The following DLGAP4 variants were observed in gnomAD, a reference collection of about 807,000 sequenced individuals.
DLGAP4 encodes the protein DLG associated protein 4.
A neutral mutation model predicts 86.9 loss-of-function variants in DLGAP4; 18 were observed. The ratio of observed to expected loss-of-function variants is 0.21; its 90% CI spans 0.14 to 0.31. DLGAP4 has a LOEUF of 0.31. Ranked by LOEUF, DLGAP4 falls within the 10% of genes least tolerant of loss-of-function variation. DLGAP4 has a pLI of 1.00. For synonymous variants in DLGAP4, 548 were observed against 574.3 expected, an observed-to-expected ratio of 0.95 and a Z score of 0.65; for missense variants, 1,085 against 1,362.6, an observed-to-expected ratio of 0.80 and a Z score of 3.21.
intron 11 of DLGAP4, among the ~76,000 whole-genome samples, chr20:36,525,078 C>T (rs1290288063): frequency 6.6e-6 from 1 of 150,558 alleles, no homozygotes; most frequent in African/African-American, 2.4e-5. Flanking sequence ...ATTAGCCAGG[C>T]GTAGTGGCGG....
In DLGAP4 at chr20:36,361,978, CAAA is replaced by C. The variant is rs545997891; in HGVS notation, c.-303-5048_-303-5046del. 1.0e-4 allele frequency among the ~76,000 whole-genome samples: 5 copies of C among 48,412 alleles called. No homozygotes were observed. In the South Asian group the frequency reaches 2.1e-3, roughly 21 times the overall value. 31.8% of individuals were successfully genotyped at this position (48,412 alleles called of 152,430 possible). A position where few individuals can be genotyped will look rare whatever the true frequency, so the allele number is the denominator to read the frequency against. On this transcript the variant is annotated intron_variant, in intron 1 of 12. Transcript: ENST00000339266. The stretch of plus-strand genomic sequence containing the variant: ...TGGATGACACTGCGAGATTCTGTCT[CAAA>C]AAAAAAAAAAAAAAAAAAGATAGGA...
At chr20:36,317,284 C>CT (rs2065115888) in intron 1 of DLGAP4, among the ~76,000 whole-genome samples, 5 of 9,798 alleles carry the variant, frequency 5.1e-4, no homozygotes, top group Non-Finnish European at 1.1e-3. Flanking sequence ...TCTTATCTTT[C>CT]TTTCTTTCTT....
At chr20:36,417,733 G>C (rs927492655) in intron 2 of DLGAP4, among the ~76,000 whole-genome samples, 2 of 150,958 alleles carry the variant, frequency 1.3e-5, no homozygotes, top group African/African-American at 4.9e-5. Flanking sequence ...TAGGGGTACT[G>C]GGTGAAGCGA....
intron 2 of DLGAP4, among the ~76,000 whole-genome samples, chr20:36,396,575 A>ACACACACCACACACACGCACAC (rs1569484823): frequency 1.2e-4 from 10 of 86,626 alleles, no homozygotes; most frequent in Non-Finnish European, 2.1e-4. Context: ...TACACACACC[A>ACACACACCACACACACGCACAC]CATACACACA....
At chr20:36,344,755 C>T (rs1555892794) in intron 1 of DLGAP4, among the ~76,000 whole-genome samples, 1 of 152,240 alleles carries the variant, frequency 6.6e-6, no homozygotes, top group African/African-American at 2.4e-5. Flanking sequence ...GCCTAGGGCC[C>T]TGGGTGTGAG....
chr20:36,387,863 A>T (rs1364900106), intron 2 of DLGAP4, among the ~76,000 whole-genome samples: 1 of 152,024 alleles, frequency 6.6e-6, no homozygotes, highest in Non-Finnish European at 1.5e-5. Context: ...CTCTTTGTCT[A>T]TCTCTTTGTC....
intron 1 of DLGAP4, among the ~76,000 whole-genome samples, chr20:36,327,590 C>CT (rs555766337): frequency 0.066 from 7,959 of 119,976 alleles, 905 homozygotes; most frequent in African/African-American, 0.21. Context: ...TGGTTAAATT[C>CT]TTTTTTTTTT....
At chr20:36,311,269 A>C (rs920826059) in intron 1 of DLGAP4, among the ~76,000 whole-genome samples, 1 of 151,954 alleles carries the variant, frequency 6.6e-6, no homozygotes, top group Non-Finnish European at 1.5e-5. Flanking sequence ...CGCCCCTCTC[A>C]CTGGGTCCTT....
chr20:36,317,677 G>T (rs1324481536), intron 1 of DLGAP4, among the ~76,000 whole-genome samples: 1 of 151,420 alleles, frequency 6.6e-6, no homozygotes, highest in Non-Finnish European at 1.5e-5. Context: ...GGCTGGTCTT[G>T]AACTCTTGGC....
chr20:36,480,058 G>A (rs2035116626), intron 7 of DLGAP4, among the ~76,000 whole-genome samples: 1 of 152,140 alleles, frequency 6.6e-6, no homozygotes, highest in Non-Finnish European at 1.5e-5. Context: ...AATAGACAGG[G>A]CAAGCCGCAT....
rs190108768 is a variant in DLGAP4 at position 36,519,678 on chromosome 20, C to T, written c.2513-4572C>T. On this transcript the variant is annotated intron_variant, in intron 10 of 12. Coordinates refer to ENST00000339266, the MANE Select transcript of DLGAP4 (RefSeq NM_001365621.2). The stretch of plus-strand genomic sequence containing the variant: ...TCTGAGGAACCACCCAACTATTTTC[C>T]ACAGCAGCTGCATCATTTTATATTC... Among the ~76,000 whole-genome samples, 371 of 152,284 alleles carry T rather than the reference C, an allele frequency of 2.4e-3. 4 individuals are homozygous for T. Among genetic ancestry groups the T allele is most frequent in the African/African-American group, 8.6e-3 (358 of 41,548 alleles).
At chr20:36,342,741 C>A (rs1298694560) in intron 1 of DLGAP4, among the ~76,000 whole-genome samples, 2 of 152,158 alleles carry the variant, frequency 1.3e-5, no homozygotes, top group Non-Finnish European at 2.9e-5. Context: ...CATGGAGGGG[C>A]CTTTGCTGGC....
At position 36,400,996 on chromosome 20, in the gene DLGAP4, G is replaced by A. The variant is rs752520078; in HGVS notation, c.-72-30650G>A. ...GGAAAAACTGGCTTTCTGTGGCTGG[G>A]AACCTCAGAGGAAATCAGGCCATCC... On this transcript the variant is annotated intron_variant, in intron 2 of 12. Transcript: ENST00000339266. Among the ~76,000 whole-genome samples the A allele has an allele frequency of 1.4e-4, 22 of 152,168 alleles. 1 individual carries two copies. Among genetic ancestry groups the A allele is most frequent in the Non-Finnish European group, 5.9e-5 (4 of 68,006 alleles).
chr20:36,321,480 C>T (rs529627903), intron 1 of DLGAP4, among the ~76,000 whole-genome samples: 1 of 152,352 alleles, frequency 6.6e-6, no homozygotes, highest in Non-Finnish European at 1.5e-5. Flanking sequence ...CACAGCCACT[C>T]GCCAGGCTGG....
intron 2 of DLGAP4, among the ~76,000 whole-genome samples, chr20:36,413,002 C>G (rs1555899635): frequency 7.9e-6 from 1 of 126,272 alleles, no homozygotes; most frequent in Non-Finnish European, 1.6e-5. Context: ...TTTTTTGGAA[C>G]AGAGTCTCAC....
intron 2 of DLGAP4, among the ~76,000 whole-genome samples, chr20:36,370,667 A>T (rs1354236703): frequency 6.6e-6 from 1 of 151,718 alleles, no homozygotes; most frequent in African/African-American, 2.4e-5. Flanking sequence ...AAATTAAAAA[A>T]AAATTAGCCA....
chr20:36,479,342 C>T (rs1010547091), intron 7 of DLGAP4, among the ~76,000 whole-genome samples: 1 of 152,096 alleles, frequency 6.6e-6, no homozygotes, highest in African/African-American at 2.4e-5. Flanking sequence ...GTTCTGCCTC[C>T]TAAGTGTCAA....
intron 2 of DLGAP4, among the ~76,000 whole-genome samples, chr20:36,402,235 C>T (rs1328333934): frequency 6.6e-6 from 1 of 152,178 alleles, no homozygotes; most frequent in East Asian, 1.9e-4. Context: ...CAGGATATCC[C>T]TCAACCTGGT....
intron 2 of DLGAP4, among the ~76,000 whole-genome samples, chr20:36,372,921 C>A (rs1244761317): frequency 6.6e-6 from 1 of 152,096 alleles, no homozygotes; most frequent in East Asian, 1.9e-4. Context: ...TGTGTGACAT[C>A]CGGATTTGGA....
Sources: gnomAD v4.1 joint callset for allele counts (sites outside exome capture counted in the v4.1 genomes callset) on GRCh38, gnomAD v4.1.1 for gene constraint, MANE v1.5 for transcripts, NCBI Gene and HGNC (gene_info 2026-07-23, HGNC 2026-07-21) for gene names.